Variants in EIF2B3 observed in about 807,000 individuals in gnomAD.
EIF2B3 encodes eukaryotic translation initiation factor 2B subunit gamma, also known as translation initiation factor eIF2B subunit gamma.
A neutral mutation model predicts 54.1 loss-of-function variants in EIF2B3; 20 were observed. The ratio of observed to expected loss-of-function variants is 0.37; its 90% CI spans 0.26 to 0.54. The LOEUF (loss-of-function observed/expected upper bound fraction) is 0.54, where lower values mean the gene tolerates loss of function less well. EIF2B3 is among the 20% of genes least tolerant of loss of function. The probability of loss-of-function intolerance (pLI) is 0.86; values close to 1 mark genes in which losing one functional copy is unlikely to be tolerated. For synonymous variants in EIF2B3, 153 were observed against 188.1 expected, an observed-to-expected ratio of 0.81 and a Z score of 1.52; for missense variants, 448 against 547.8, an observed-to-expected ratio of 0.82 and a Z score of 1.82.
chr1:44,854,373 C>G (rs1339441181), intron 11 of EIF2B3, among the ~76,000 whole-genome samples: 1 of 151,824 alleles, frequency 6.6e-6, no homozygotes, highest in African/African-American at 2.4e-5. Context: ...ATTTGGCTGC[C>G]AGTATTTTTG....
intron 10 of EIF2B3, among the ~76,000 whole-genome samples, chr1:44,868,397 C>CAAAAAAA (rs34094245): frequency 1.2e-4 from 8 of 65,418 alleles, no homozygotes; most frequent in Non-Finnish European, 2.1e-4. Context: ...GACTCCGTCT[C>CAAAAAAA]AAAAAAAAAA....
intron 1 of EIF2B3, among the ~76,000 whole-genome samples, chr1:44,984,803 T>C (rs1286574456): frequency 8.9e-6 from 1 of 112,894 alleles, no homozygotes; most frequent in Non-Finnish European, 1.8e-5. Flanking sequence ...CCATCTTTTT[T>C]TTTTTTTTTT....
chr1:44,873,087 C>T (rs917375053), intron 10 of EIF2B3, among the ~76,000 whole-genome samples: 3 of 152,170 alleles, frequency 2.0e-5, no homozygotes, highest in Admixed American at 6.5e-5. Context: ...GCAAATGTTT[C>T]GAATTATGTC....
At chr1:44,885,320 CAT>C (rs968794034) in intron 6 of EIF2B3, among the ~76,000 whole-genome samples, 10 of 151,986 alleles carry the variant, frequency 6.6e-5, no homozygotes, top group African/African-American at 2.2e-4. Flanking sequence ...GTTAAAAAAA[CAT>C]ATAAAATATT....
At chr1:44,977,955 G>A (rs1279630935) in intron 3 of EIF2B3, among the ~76,000 whole-genome samples, 1 of 152,128 alleles carries the variant, frequency 6.6e-6, no homozygotes, top group African/African-American at 2.4e-5. Context: ...ATAATGCACT[G>A]GGGGCCAGGC....
chr1:44,958,816 A>G, intron 3 of EIF2B3: 1 of 1,144,888 alleles, frequency 8.7e-7, no homozygotes, highest in Non-Finnish European at 1.3e-6. Context: ...ATCGTGTTGG[A>G]CGTTAGCTCC....
At chr1:44,919,843 A>G (rs1643701080) in intron 5 of EIF2B3, among the ~76,000 whole-genome samples, 1 of 147,188 alleles carries the variant, frequency 6.8e-6, no homozygotes, top group African/African-American at 2.5e-5. Flanking sequence ...CAGCCTCCCA[A>G]GTAGCTGGGA....
At chr1:44,923,239 T>A (rs1244088138) in intron 5 of EIF2B3, among the ~76,000 whole-genome samples, 1 of 152,228 alleles carries the variant, frequency 6.6e-6, no homozygotes, top group Non-Finnish European at 1.5e-5. Context: ...CTGCTCTAGC[T>A]AGGACTTCCA....
In EIF2B3 at chr1:44,857,930, C is replaced by T. The variant is rs184096894; in HGVS notation, c.1203-123G>A. ...AGCTGGGCAGTCCAGTTAATGGCTA[C>T]GTGCCTCAAGTTATCAGTGGAAGAC... On this transcript the variant is annotated intron_variant, in intron 10 of 11. Coordinates refer to ENST00000360403, the MANE Select transcript of EIF2B3 (RefSeq NM_020365.5). 524 of 867,522 alleles carry T rather than the reference C, an allele frequency of 6.0e-4. 3 individuals carry two copies. In the East Asian group the frequency reaches 0.011, roughly 18 times the overall value. 53.7% of individuals were successfully genotyped at this position (867,522 alleles called of 1,614,324 possible).
In EIF2B3 at chr1:44,881,666, G is replaced by T. The variant is rs778596154; in HGVS notation, c.730C>A (p.Gln244Lys). The stretch of plus-strand genomic sequence containing the variant: ...TCCTCCTCTTTTTCTTCTTGTCCCT[G>T]TTGTGAGGAAGCTGAGGAAAACTGT... ...RKQFSSASSQ[Q>K]GQEEKEEDLK... Residue 244 changes from glutamine to lysine, a missense_variant, in exon 7 of 12, where the codon CAG becomes AAG. This residue lies in a region of EIF2B3 where 350 missense variants were observed against 414.2 expected (regional missense o/e 0.85). Coordinates refer to ENST00000360403, the MANE Select transcript of EIF2B3 (RefSeq NM_020365.5). This position sits in a 1 kb window ranked among gnomAD's most constrained non-coding sequence, Gnocchi z 4.0. 1 of 1,614,126 alleles carries T rather than the reference G, an allele frequency of 6.2e-7. No homozygotes were observed. The highest frequency in any genetic ancestry group is 2.2e-5 in the East Asian group (1 of 44,886).
intron 4 of EIF2B3, among the ~76,000 whole-genome samples, chr1:44,928,219 T>A (rs554326781): frequency 2.0e-5 from 3 of 152,134 alleles, no homozygotes; most frequent in Admixed American, 6.5e-5. Flanking sequence ...CCAAGGCAGG[T>A]GGATCACCTG....
chr1:44,883,093 T>G lies in EIF2B3; in HGVS notation c.657-1354A>C, dbSNP rs548128249. On this transcript the variant is annotated intron_variant, in intron 6 of 11. Coordinates refer to ENST00000360403, the MANE Select transcript of EIF2B3 (RefSeq NM_020365.5). Reference sequence around the variant, plus strand: ...ACAGGCGCCGGCCACCATGCCTGGCTAATTTTTGTATTTTGAGTAGAGATG... The same window carrying G: ...ACAGGCGCCGGCCACCATGCCTGGCGAATTTTTGTATTTTGAGTAGAGATG... Among the ~76,000 whole-genome samples, 3 of 151,714 alleles carry G rather than the reference T, an allele frequency of 2.0e-5. No homozygotes were observed. The South Asian group carries it at 6.3e-4, about 32-fold the overall frequency.
intron 3 of EIF2B3, among the ~76,000 whole-genome samples, chr1:44,965,776 A>ACT (rs955150393): frequency 2.5e-4 from 37 of 150,600 alleles, no homozygotes; most frequent in African/African-American, 9.0e-4. Context: ...AGTAGCTGGG[A>ACT]CTACAGGTGC....
intron 5 of EIF2B3, among the ~76,000 whole-genome samples, chr1:44,900,993 C>T (rs879706027): frequency 2.6e-5 from 4 of 152,052 alleles, no homozygotes; most frequent in Admixed American, 6.6e-5. Flanking sequence ...GACAGGGTTT[C>T]GCTCCATCAC....
chr1:44,917,860 G>A (rs1222031895), intron 5 of EIF2B3, among the ~76,000 whole-genome samples: 3 of 125,770 alleles, frequency 2.4e-5, no homozygotes, highest in Non-Finnish European at 3.2e-5. Flanking sequence ...TGCAAGCTCC[G>A]CCTCCCGGGT....
In EIF2B3 at chr1:44,850,569, G is replaced by C. The variant is rs1299536030; in HGVS notation, c.*382C>G. The C allele has an allele frequency of 6.7e-6, 2 of 296,660 alleles. No individual in the cohort carries two copies. Among genetic ancestry groups the C allele is most frequent in the Non-Finnish European group, 1.3e-5 (2 of 154,914 alleles). 18.4% of individuals were successfully genotyped at this position (296,660 alleles called of 1,614,324 possible). On this transcript the variant is annotated 3_prime_UTR_variant, in exon 12 of 12. Transcript: ENST00000360403. ...GTCTAGAAAGGCTGATTAGGATAAG[G>C]GACTGAAGTACTCCCAGGTCCTTTT...
rs746090884 is a variant in EIF2B3, at chr1:44,978,334, T to C, written c.275A>G (p.Tyr92Cys). ...ADMGTADSLRYIYPKLKTDVL... is the reference protein window; with the variant it reads ...ADMGTADSLRCIYPKLKTDVL... ...TTTCACCTTAAGTTTTGGATATATGTAGCGCAAAGAATCTGCAGTTCCCAT... is the reference window on the plus strand; with the variant it reads ...TTTCACCTTAAGTTTTGGATATATGCAGCGCAAAGAATCTGCAGTTCCCAT... The change falls in exon 3 of 12, where the codon TAC becomes TGC. Residue 92 changes from tyrosine (Y) to cysteine (C), a missense_variant. This residue lies in a region of EIF2B3 where 95 missense variants were observed against 115.7 expected (regional missense o/e 0.82). Transcript: ENST00000360403. 1.2e-6 allele frequency: 2 copies of C among 1,613,984 alleles called. No individual in the cohort carries two copies. Among genetic ancestry groups the C allele is most frequent in the South Asian group, 1.1e-5 (1 of 91,084 alleles).
At chr1:44,967,739 CAAAAAAAAA>C (rs35067923) in intron 3 of EIF2B3, among the ~76,000 whole-genome samples, 1 of 49,548 alleles carries the variant, frequency 2.0e-5, no homozygotes, top group Non-Finnish European at 4.2e-5. Flanking sequence ...ATGCTGTCTT[CAAAAAAAAA>C]AAAAAAAAAA....
In EIF2B3 at chr1:44,978,592, A is replaced by G. The variant is rs1233923610; in HGVS notation, c.149-132T>C. The G allele has an allele frequency of 4.9e-6, 3 of 610,164 alleles. No homozygotes were observed. The Admixed American group carries it at 1.0e-4, about 21-fold the overall frequency. The allele number at this position is 610,164 out of a possible 1,614,324, so 37.8% of individuals were successfully genotyped here. On this transcript the variant is annotated intron_variant, in intron 2 of 11. Coordinates refer to ENST00000360403, the MANE Select transcript of EIF2B3 (RefSeq NM_020365.5). ...GCTAATATTATTGTGCCTTTTCAAT[A>G]TATTTTACCTGCATTCCCCCAATAA...
Sources: gnomAD v4.1 joint callset for allele counts (sites outside exome capture counted in the v4.1 genomes callset) on GRCh38, gnomAD v4.1.1 for gene constraint, gnomAD v4.1.1 regional missense constraint, Gnocchi (gnomAD v3.1) non-coding constraint, MANE v1.5 for transcripts, NCBI Gene and HGNC (gene_info 2026-07-23, HGNC 2026-07-21) for gene names.